VARS2: variants seen among roughly 807,000 people sequenced by gnomAD.
VARS2 encodes valyl-tRNA synthetase 2, mitochondrial.
A neutral mutation model predicts 154.1 loss-of-function variants in VARS2; 105 were observed. The ratio of observed to expected loss-of-function variants is 0.68; its 90% CI spans 0.58 to 0.80. The LOEUF (loss-of-function observed/expected upper bound fraction) is 0.80, where lower values mean the gene tolerates loss of function less well. VARS2 is among the 30% of genes least tolerant of loss of function. VARS2 has a pLI of 0.00. For missense variants in VARS2, 1,157 were observed against 1,361.4 expected (o/e 0.85, Z 2.36); for synonymous variants, 483 against 539.5 (o/e 0.90, Z 1.45).
rs1794083996 is a variant in VARS2 at position 30,915,297 on chromosome 6, C to T, written c.284-58C>T. 13 of 1,612,530 alleles carry T rather than the reference C, an allele frequency of 8.1e-6. No homozygotes were observed. The Admixed American group carries it at 1.8e-4, about 23-fold the overall frequency. ...CATATGTGTTGCCCATTTGGCCTGC[C>T]GAAATGCAGCCTGGGAACAAGTTCA... On this transcript the variant is annotated intron_variant, in intron 3 of 29. Coordinates refer to ENST00000676266, the MANE Select transcript of VARS2 (RefSeq NM_020442.6).
At chr6:30,924,657 C>G (rs946569134) in intron 26 of VARS2, 97 bp downstream of exon 26, 1 of 687,398 alleles carries the variant, frequency 1.5e-6, no homozygotes, top group African/African-American at 1.8e-5. Flanking sequence ...AGGAATGGTT[C>G]GTACTTTACT....
intron 10 of VARS2, among the ~76,000 whole-genome samples, chr6:30,918,207 A>T (rs1284439307): frequency 1.3e-5 from 2 of 152,136 alleles, no homozygotes; most frequent in Non-Finnish European, 2.9e-5. Context: ...AGCTGGGATT[A>T]CAGGCGCGTG....
intron 10 of VARS2, among the ~76,000 whole-genome samples, chr6:30,918,531 C>T (rs1450214956): frequency 6.6e-6 from 1 of 152,192 alleles, no homozygotes. Context: ...CCTCTGGGCA[C>T]CCAGCAAGAA....
intron 27 of VARS2, 75 bp from the exon 28 acceptor site, chr6:30,925,469 C>G (rs975885524): frequency 1.9e-6 from 3 of 1,562,628 alleles, no homozygotes; most frequent in Non-Finnish European, 2.6e-6. Flanking sequence ...AGGGCCAACC[C>G]CCCCGTTAGG....
rs779694829 is a variant in VARS2 at position 30,920,476 on chromosome 6, AAGGGAATGT to A, written c.1397+42_1397+50del. ...ACTCCTTTACTAAGGGCTACCCCAAAAGGGAATGTATGGAGCTTAAGGGTGACAATAGGA... is the reference window on the plus strand; with the variant it reads ...ACTCCTTTACTAAGGGCTACCCCAAAATGGAGCTTAAGGGTGACAATAGGA... On this transcript the variant is annotated intron_variant, in intron 14 of 29. Transcript: ENST00000676266. The surrounding 1 kb of genome is among the most constrained non-coding windows in gnomAD (Gnocchi z 4.6). 18 of 1,560,096 alleles carry A rather than the reference AAGGGAATGT, an allele frequency of 1.2e-5. No individual in the cohort carries two copies. Among genetic ancestry groups the A allele is most frequent in the Non-Finnish European group, 1.6e-5 (18 of 1,152,066 alleles).
Position 30,917,681 on chromosome 6 carries a change from C to T in VARS2, c.874-14C>T, listed in dbSNP as rs1372255864. The T allele has an allele frequency of 5.2e-6, 8 of 1,547,098 alleles. No individual in the cohort carries two copies. The South Asian group carries it at 5.9e-5, about 12-fold the overall frequency. On this transcript the variant is annotated splice_polypyrimidine_tract_variant and intron_variant, in intron 9 of 29. Coordinates refer to ENST00000676266, the MANE Select transcript of VARS2 (RefSeq NM_020442.6). The surrounding 1 kb of genome is among the most constrained non-coding windows in gnomAD (Gnocchi z 4.4). ...AAAGGCTGCCCTCTGACCCAGCTTT[C>T]TCGGTGCCTCCAGGTGGAGAACCGG... is the stretch of plus-strand genomic sequence containing the variant.
chr6:30,924,599 T>A, intron 26 of VARS2, 39 bp downstream of exon 26: 2 of 1,160,192 alleles, frequency 1.7e-6, no homozygotes, highest in Non-Finnish European at 2.4e-6. Context: ...TGTGGGTGAA[T>A]GGGGGGGAGC....
chr6:30,922,149 C>CT lies in VARS2; in HGVS notation c.1844dup (p.Leu615PhefsTer98). ...CCTTGCTCGTTTCTACCCCCTGTCACTTTTGGAAACGGGCAGCGACCTTCT... is the reference window on the plus strand; with the variant it reads ...CCTTGCTCGTTTCTACCCCCTGTCACTTTTTGGAAACGGGCAGCGACCTTCT... On this transcript the variant is annotated frameshift_variant, in exon 20 of 30. Coordinates refer to ENST00000676266, the MANE Select transcript of VARS2 (RefSeq NM_020442.6). LOFTEE classifies it high-confidence loss of function. 1 of 1,612,778 alleles carries CT rather than the reference C, an allele frequency of 6.2e-7. No homozygotes were observed. Among genetic ancestry groups the CT allele is most frequent in the Non-Finnish European group, 8.5e-7 (1 of 1,179,938 alleles).
chr6:30,921,358 C>T lies in VARS2; in HGVS notation c.1632+53C>T. 6.2e-7 allele frequency: 1 copy of T among 1,607,464 alleles called. No homozygotes were observed. The highest frequency in any genetic ancestry group is 8.5e-7 in the Non-Finnish European group (1 of 1,174,746). ...CGAGTGTGGCACAGAGCACCTAGCCCAGGAGTCAGAGCTCCGCAGGGCCAA... is the reference window on the plus strand; with the variant it reads ...CGAGTGTGGCACAGAGCACCTAGCCTAGGAGTCAGAGCTCCGCAGGGCCAA... On this transcript the variant is annotated intron_variant, in intron 17 of 29. Transcript: ENST00000676266. The surrounding 1 kb of genome is among the most constrained non-coding windows in gnomAD (Gnocchi z 4.6).
Position 30,916,480 on chromosome 6 carries a change from T to TTATATATA in VARS2, c.671+241_671+248dup, listed in dbSNP as rs145049694. On this transcript the variant is annotated intron_variant, in intron 7 of 29. Transcript: ENST00000676266. The surrounding 1 kb of genome is among the most constrained non-coding windows in gnomAD (Gnocchi z 4.0). ...TGTGTGTGTGTGTGTGTGTGTGTAT[T>TTATATATA]TATATATATATATATATTTTCTTTC... 0.011 allele frequency: 3,280 copies of TTATATATA among 286,726 alleles called. 26 individuals carry two copies. Among genetic ancestry groups the TTATATATA allele is most frequent in the African/African-American group, 0.028 (1,167 of 42,218 alleles). The allele number at this position is 286,726 out of a possible 1,614,324, so 17.8% of individuals were successfully genotyped here. A position where few individuals can be genotyped will look rare whatever the true frequency, so the allele number is the denominator to read the frequency against.
At position 30,920,624 on chromosome 6, in the gene VARS2, C is replaced by T. The variant is rs1257954311; in HGVS notation, c.1398-44C>T. The T allele has an allele frequency of 6.8e-7, 1 of 1,480,010 alleles. No individual in the cohort carries two copies. Among genetic ancestry groups the T allele is most frequent in the Non-Finnish European group, 9.1e-7 (1 of 1,100,086 alleles). The allele number at this position is 1,480,010 out of a possible 1,614,324, so 91.7% of individuals were successfully genotyped here. A position where few individuals can be genotyped will look rare whatever the true frequency, so the allele number is the denominator to read the frequency against. ...GGGGTCTTGTGCCCCTGGGAGAAGTCACAGGGCCGGAAGAGCAGTGGACTC... is the reference window on the plus strand; with the variant it reads ...GGGGTCTTGTGCCCCTGGGAGAAGTTACAGGGCCGGAAGAGCAGTGGACTC... On this transcript the variant is annotated intron_variant, in intron 14 of 29. Coordinates refer to ENST00000676266, the MANE Select transcript of VARS2 (RefSeq NM_020442.6). This position sits in a 1 kb window ranked among gnomAD's most constrained non-coding sequence, Gnocchi z 4.6.
Position 30,926,141 on chromosome 6 carries a change from G to A in VARS2, c.3123G>A (p.Leu1041=). Residue 1041 remains leucine (L), a synonymous_variant, in exon 30 of 30, where the codon CTG becomes CTA. Transcript: ENST00000676266. ...LSSLQLELSK[L]DKAASHLRQL... is the part of the protein sequence containing the mutation. ...CCCTCCAGCTGGAATTGTCAAAACT[G>A]GACAAGGCAGCCTCTCACCTCCGGC... The A allele has an allele frequency of 6.2e-7, 1 of 1,613,092 alleles. No homozygotes were observed. Among genetic ancestry groups the A allele is most frequent in the Admixed American group, 1.7e-5 (1 of 60,030 alleles).
chr6:30,923,567 C>T, intron 25 of VARS2, 62 bp downstream of exon 25: 1 of 1,570,992 alleles, frequency 6.4e-7, no homozygotes, highest in Non-Finnish European at 8.6e-7. Flanking sequence ...CTGGAAATTT[C>T]CAAGGCAGAG....
chr6:30,924,886 G>T (rs757829585), intron 26 of VARS2, among the ~76,000 whole-genome samples: 26 of 152,110 alleles, frequency 1.7e-4, no homozygotes, highest in Non-Finnish European at 3.4e-4. Context: ...TAGTAATAGG[G>T]TGTCCCCAAA....
chr6:30,915,741 T>C lies in VARS2; in HGVS notation c.385-5T>C, dbSNP rs1314598267. The C allele has an allele frequency of 6.2e-7, 1 of 1,612,988 alleles. No individual in the cohort carries two copies. Among genetic ancestry groups the C allele is most frequent in the Non-Finnish European group, 8.5e-7 (1 of 1,179,988 alleles). On this transcript the variant is annotated splice_region_variant and splice_polypyrimidine_tract_variant and intron_variant, in intron 4 of 29. Transcript: ENST00000676266. ...TTGCCCCTTTGACTTTTTTTCTTCCTCTAGGCCCGGCTGCCCCAAGCTACA... is the reference window on the plus strand; with the variant it reads ...TTGCCCCTTTGACTTTTTTTCTTCCCCTAGGCCCGGCTGCCCCAAGCTACA...
Position 30,920,357 on chromosome 6 carries a change from G to A in VARS2, c.1318G>A (p.Glu440Lys). 6.2e-7 allele frequency: 1 copy of A among 1,612,994 alleles called. No homozygotes were observed. The highest frequency in any genetic ancestry group is 8.5e-7 in the Non-Finnish European group (1 of 1,179,542). Reference sequence around the variant, plus strand: ...GGGTCTTCACCGGTTTGTGGCCCGGGAAAAGATAATGTCTGTGCTGAGTGA... The same window carrying A: ...GGGTCTTCACCGGTTTGTGGCCCGGAAAAAGATAATGTCTGTGCTGAGTGA... ...LQGLHRFVAR[E>K]KIMSVLSEWG... The change falls in exon 14 of 30, where the codon GAA becomes AAA. Residue 440 changes from glutamate (E) to lysine (K), a missense_variant. Physicochemically the swap from Glu to Lys is moderately conservative, Grantham distance 56. Coordinates refer to ENST00000676266, the MANE Select transcript of VARS2 (RefSeq NM_020442.6). The surrounding 1 kb of genome is among the most constrained non-coding windows in gnomAD (Gnocchi z 4.6).
rs374148426 is a variant in VARS2 at position 30,917,214 on chromosome 6, C to G, written c.863C>G (p.Ser288Trp). 8.7e-6 allele frequency: 14 copies of G among 1,613,984 alleles called. No homozygotes were observed. Among genetic ancestry groups the G allele is most frequent in the Non-Finnish European group, 1.2e-5 (14 of 1,180,044 alleles). The change falls in exon 9 of 30, where the codon TCG becomes TGG. Residue 288 changes from serine to tryptophan, a missense_variant. Ser to Trp is a radical substitution (Grantham distance 177). Transcript: ENST00000676266. The surrounding 1 kb of genome is among the most constrained non-coding windows in gnomAD (Gnocchi z 4.4). ...TCATGTGCTTTAAGATCAGCCATCT[C>G]GGACATTGAGGTGAGGCGGAGAGAG... is the stretch of plus-strand genomic sequence containing the variant. ...NWSCALRSAI[S>W]DIEVENRPLP...
chr6:30,918,752 T>C, intron 10 of VARS2, 75 bp from the exon 11 acceptor site: 1 of 1,199,606 alleles, frequency 8.3e-7, no homozygotes, highest in Non-Finnish European at 1.2e-6. Flanking sequence ...TTTCCAGTTC[T>C]ACTGCCTTTA....
chr6:30,924,845 A>G (rs1266315685), intron 26 of VARS2, among the ~76,000 whole-genome samples: 2 of 152,320 alleles, frequency 1.3e-5, no homozygotes, highest in African/African-American at 4.8e-5. Context: ...GTAATAGTAT[A>G]TGTTATGGTT....
Sources: gnomAD v4.1 joint callset for allele counts (sites outside exome capture counted in the v4.1 genomes callset) on GRCh38, gnomAD v4.1.1 for gene constraint, Gnocchi (gnomAD v3.1) non-coding constraint, MANE v1.5 for transcripts, NCBI Gene and HGNC (gene_info 2026-07-23, HGNC 2026-07-21) for gene names.